Variants in PPP3CB observed in about 807,000 individuals in gnomAD.
The protein encoded by PPP3CB is serine/threonine-protein phosphatase 2B catalytic subunit beta isoform.
A neutral mutation model predicts 66.4 loss-of-function variants in PPP3CB; 8 were observed. The observed-to-expected ratio is 0.12, with a 90% confidence interval of 0.07 to 0.22. PPP3CB has a LOEUF of 0.22. PPP3CB is among the 10% of genes least tolerant of loss of function. The pLI is 1.00. For missense variants in PPP3CB, 319 were observed against 642.5 expected (o/e 0.50, Z 5.44); for synonymous variants, 208 against 221.2 (o/e 0.94, Z 0.53).
At chr10:73,441,931 T>A (rs2132756429) in intron 12 of PPP3CB, among the ~76,000 whole-genome samples, 1 of 152,290 alleles carries the variant, frequency 6.6e-6, no homozygotes, top group South Asian at 2.1e-4. Context: ...AGGCACGAGG[T>A]CTTAGAATTA....
intron 10 of PPP3CB, among the ~76,000 whole-genome samples, chr10:73,446,865 C>A (rs2056265920): frequency 6.6e-6 from 1 of 152,016 alleles, no homozygotes; most frequent in African/African-American, 2.4e-5. Context: ...GAAAAAAAAA[C>A]AAACAAACTT....
rs573773891 is a variant in PPP3CB, at chr10:73,470,652, T to C, written c.982+35A>G. The C allele has an allele frequency of 4.5e-6, 6 of 1,328,328 alleles. No individual in the cohort carries two copies. In the African/African-American group the frequency reaches 8.9e-5, roughly 20 times the overall value. 82.3% of individuals were successfully genotyped at this position (1,328,328 alleles called of 1,614,324 possible). A position where few individuals can be genotyped will look rare whatever the true frequency, so the allele number is the denominator to read the frequency against. On this transcript the variant is annotated intron_variant, in intron 8 of 13. Coordinates refer to ENST00000360663, the MANE Select transcript of PPP3CB (RefSeq NM_021132.4). ...AAAAAAAGTCAATTAAAATACTAAG[T>C]TGTTTAACAATTTTTTTTATCAACA...
At chr10:73,472,314 G>A (rs1489705345) in intron 4 of PPP3CB, among the ~76,000 whole-genome samples, 4 of 152,080 alleles carry the variant, frequency 2.6e-5, no homozygotes, top group Admixed American at 1.3e-4. Flanking sequence ...GGCCAACATG[G>A]CAGAACACTG....
chr10:73,465,287 T>C (rs1420593153), intron 9 of PPP3CB, among the ~76,000 whole-genome samples: 2 of 152,134 alleles, frequency 1.3e-5, no homozygotes, highest in African/African-American at 2.4e-5. Flanking sequence ...GCTATTCAGA[T>C]GTTTGATTGT....
At chr10:73,448,905 A>G (rs1256346610) in intron 10 of PPP3CB, among the ~76,000 whole-genome samples, 2 of 152,256 alleles carry the variant, frequency 1.3e-5, no homozygotes, top group East Asian at 1.9e-4. Flanking sequence ...TCTAAAGTAA[A>G]GATTTCTTAA....
chr10:73,477,808 T>G lies in PPP3CB; in HGVS notation c.411+691A>C, dbSNP rs533458942. On this transcript the variant is annotated intron_variant, in intron 3 of 13. Transcript: ENST00000360663. ...GGTGTGTACCTGTGGTCCCAGCTAT[T>G]TGAGAGACTGGGACAGAAGGATCCC... Among the ~76,000 whole-genome samples, 13 of 152,130 alleles carry G rather than the reference T, an allele frequency of 8.5e-5. No homozygotes were observed. In the South Asian group the frequency reaches 2.5e-3, roughly 29 times the overall value.
rs2056558809 is a variant in PPP3CB at position 73,463,188 on chromosome 10, C to T, written c.1108+4365G>A. ...TTAAGTCTCACTGATTCTACTTCTA[C>T]CATTCTTTTGGTTCTCCCCACTCTC... On this transcript the variant is annotated intron_variant, in intron 9 of 13. Transcript: ENST00000360663. 2.0e-5 allele frequency among the ~76,000 whole-genome samples: 3 copies of T among 152,204 alleles called. 1 individual carries two copies. The South Asian group carries it at 6.2e-4, about 32-fold the overall frequency.
intron 9 of PPP3CB, among the ~76,000 whole-genome samples, chr10:73,464,431 A>T (rs1237018392): frequency 1.3e-5 from 2 of 152,152 alleles, no homozygotes; most frequent in East Asian, 3.9e-4. Flanking sequence ...TAAATCTTAC[A>T]TGTATGACCT....
In PPP3CB at chr10:73,495,694, C is replaced by CA; in HGVS notation, c.85+110dup. On this transcript the variant is annotated intron_variant, in intron 1 of 13. Coordinates refer to ENST00000360663, the MANE Select transcript of PPP3CB (RefSeq NM_021132.4). ...GGGGCCACTCCCCAAGGGAGGCAGC[C>CA]AGTCACTCGCCCGCCCTTCCGGGCC... The CA allele has an allele frequency of 2.8e-6, 4 of 1,436,342 alleles. No homozygotes were observed. The South Asian group carries it at 5.1e-5, about 18-fold the overall frequency. 89.0% of individuals were successfully genotyped at this position (1,436,342 alleles called of 1,614,324 possible).
At chr10:73,454,349 G>T in intron 10 of PPP3CB, 63 bp downstream of exon 10, 1 of 1,301,260 alleles carries the variant, frequency 7.7e-7, no homozygotes, top group Non-Finnish European at 1.1e-6. Context: ...GTGTACTGAG[G>T]CTAGGCAGTA....
Position 73,437,393 on chromosome 10 carries a change from T to C in PPP3CB, c.*849A>G, listed in dbSNP as rs2056085981. On this transcript the variant is annotated 3_prime_UTR_variant, in exon 14 of 14. Transcript: ENST00000360663. ...CATCATAGGTCTATATATTAAATATTTGCAAAATGAAAACATGCATACACA... is the reference window on the plus strand; with the variant it reads ...CATCATAGGTCTATATATTAAATATCTGCAAAATGAAAACATGCATACACA... 6.6e-6 allele frequency: 1 copy of C among 152,618 alleles called. No homozygotes were observed. The highest frequency in any genetic ancestry group is 2.4e-5 in the African/African-American group (1 of 41,460). The allele number at this position is 152,618 out of a possible 1,614,324, so 9.5% of individuals were successfully genotyped here. A position where few individuals can be genotyped will look rare whatever the true frequency, so the allele number is the denominator to read the frequency against.
At position 73,454,457 on chromosome 10, in the gene PPP3CB, A is replaced by C; in HGVS notation, c.1141T>G (p.Cys381Gly). ...TCAGTCATTAGTTCATCATCAGAGC[A>C]AATACTCAGAACATTTACCAACATT... ...TEMLVNVLSI[C>G]SDDELMTEGE... Residue 381 changes from cysteine to glycine, a missense_variant, in exon 10 of 14, where the codon TGC becomes GGC. Cys to Gly is a radical substitution (Grantham distance 159, BLOSUM62 -3). Around this residue, in one of 5 missense-constraint regions of PPP3CB, gnomAD observed 120 missense variants for 331.2 expected, o/e 0.36. Coordinates refer to ENST00000360663, the MANE Select transcript of PPP3CB (RefSeq NM_021132.4). 1.9e-6 allele frequency: 3 copies of C among 1,612,714 alleles called. No individual in the cohort carries two copies. Among genetic ancestry groups the C allele is most frequent in the Non-Finnish European group, 2.5e-6 (3 of 1,179,098 alleles).
chr10:73,471,687 G>T, intron 4 of PPP3CB, 74 bp from the exon 5 acceptor site: 1 of 1,185,772 alleles, frequency 8.4e-7, no homozygotes, highest in Non-Finnish European at 1.2e-6. Context: ...ATATATATTA[G>T]ATTTTTATTT....
intron 1 of PPP3CB, among the ~76,000 whole-genome samples, chr10:73,483,281 T>C (rs990812847): frequency 4.6e-5 from 7 of 152,238 alleles, no homozygotes; most frequent in African/African-American, 9.6e-5. Context: ...AAACGTCACC[T>C]ACTCATGAGT....
At chr10:73,441,398 C>A (rs1721390063) in intron 12 of PPP3CB, among the ~76,000 whole-genome samples, 2 of 152,038 alleles carry the variant, frequency 1.3e-5, no homozygotes, top group Non-Finnish European at 2.9e-5. Flanking sequence ...AGCGTTTGAG[C>A]CCAGCCTGGG....
At chr10:73,451,812 C>T (rs1351302898) in intron 10 of PPP3CB, among the ~76,000 whole-genome samples, 1 of 145,326 alleles carries the variant, frequency 6.9e-6, no homozygotes, top group African/African-American at 2.6e-5. Context: ...GTGGTGCGAT[C>T]TCGACTCACT....
chr10:73,475,152 T>A, intron 3 of PPP3CB, 122 bp from the exon 4 acceptor site: 1 of 1,288,942 alleles, frequency 7.8e-7, no homozygotes, highest in Non-Finnish European at 1.0e-6. Flanking sequence ...TGTCCCTTAC[T>A]AAAATATAAG....
At chr10:73,458,615 T>A (rs866584557) in intron 9 of PPP3CB, among the ~76,000 whole-genome samples, 5 of 151,506 alleles carry the variant, frequency 3.3e-5, no homozygotes, top group Admixed American at 6.6e-5. Flanking sequence ...CTGGGCAACA[T>A]GGCGAAACCC....
rs1279558591 is a variant in PPP3CB at position 73,444,839 on chromosome 10, T to G, written c.1269-17A>C. 2.5e-6 allele frequency: 4 copies of G among 1,610,022 alleles called. No individual in the cohort carries two copies. The South Asian group carries it at 4.4e-5, about 18-fold the overall frequency. ...CTCTCCTCCCTATAGCAGAGAGATA[T>G]AACAAATATCAGATACTTCCAACAA... On this transcript the variant is annotated splice_polypyrimidine_tract_variant and intron_variant, in intron 11 of 13. Transcript: ENST00000360663.
Sources: gnomAD v4.1 joint callset for allele counts (sites outside exome capture counted in the v4.1 genomes callset) on GRCh38, gnomAD v4.1.1 for gene constraint, gnomAD v4.1.1 regional missense constraint, MANE v1.5 for transcripts, NCBI Gene and HGNC (gene_info 2026-07-23, HGNC 2026-07-21) for gene names.